Variants in ATG7 observed in about 807,000 individuals in gnomAD.
The protein encoded by ATG7 is ubiquitin-like modifier-activating enzyme ATG7.
ATG7 carries 70 observed loss-of-function variants against 82.4 expected under a neutral mutation model. That is an observed-to-expected ratio of 0.85 (90% CI 0.70 to 1.04). The LOEUF is 1.04. ATG7 is among the 50% of genes least tolerant of loss of function. The pLI is 0.00. For missense variants in ATG7, 792 were observed against 864.3 expected, an observed-to-expected ratio of 0.92 and a Z score of 1.05; for synonymous variants, 287 against 313.0, an observed-to-expected ratio of 0.92 and a Z score of 0.88.
rs539523184 is a variant in ATG7 at position 11,525,846 on chromosome 3, A to G, written c.2080-28965A>G. 5.3e-5 allele frequency among the ~76,000 whole-genome samples: 8 copies of G among 151,924 alleles called. No homozygotes were observed. In the East Asian group the frequency reaches 1.6e-3, roughly 29 times the overall value. The stretch of plus-strand genomic sequence containing the variant: ...TGGGATTACAGGTGTGAGCCACTGC[A>G]CCTCGCCAGTTATAGCCATTTTTAA... On this transcript the variant is annotated intron_variant, in intron 20 of 20. Transcript: ENST00000693202.
chr3:11,360,921 G>C lies in ATG7; in HGVS notation c.1683+137G>C, dbSNP rs954191986. On this transcript the variant is annotated intron_variant, in intron 16 of 20. Coordinates refer to ENST00000693202, the MANE Select transcript of ATG7 (RefSeq NM_001349232.2). The stretch of plus-strand genomic sequence containing the variant: ...GAGAAGAATTCTCCAATTTGGGGAG[G>C]ATGGCATTATCTCATTATGAACCTT... 8 of 1,002,112 alleles carry C rather than the reference G, an allele frequency of 8.0e-6. No individual in the cohort carries two copies. The African/African-American group carries it at 1.3e-4, about 16-fold the overall frequency. 62.1% of individuals were successfully genotyped at this position (1,002,112 alleles called of 1,614,324 possible).
chr3:11,442,795 C>CCT (rs1349202532), intron 20 of ATG7, among the ~76,000 whole-genome samples: 1 of 145,690 alleles, frequency 6.9e-6, no homozygotes, highest in Non-Finnish European at 1.5e-5. Flanking sequence ...GTGGCACATG[C>CCT]CTGTAGTCCC....
intron 1 of ATG7, among the ~76,000 whole-genome samples, chr3:11,280,693 A>G (rs1942891821): frequency 6.6e-6 from 1 of 152,194 alleles, no homozygotes; most frequent in African/African-American, 2.4e-5. Context: ...TGATAAGCAA[A>G]TCTATATCAT....
chr3:11,504,016 G>A (rs1334322303), intron 20 of ATG7, among the ~76,000 whole-genome samples: 1 of 152,110 alleles, frequency 6.6e-6, no homozygotes, highest in African/African-American at 2.4e-5. Flanking sequence ...ATTAAAGGCA[G>A]TTACCCACAA....
At chr3:11,499,760 A>G (rs1472625958) in intron 20 of ATG7, among the ~76,000 whole-genome samples, 4 of 151,798 alleles carry the variant, frequency 2.6e-5, no homozygotes, top group Admixed American at 1.3e-4. Flanking sequence ...AAAAAAAAAA[A>G]AAAGAAACAA....
intron 20 of ATG7, among the ~76,000 whole-genome samples, chr3:11,519,546 T>TTG (rs1678680845): frequency 1.6e-5 from 1 of 61,694 alleles, no homozygotes; most frequent in Non-Finnish European, 3.1e-5. Context: ...GGAGTTTTTT[T>TTG]TTTTTTTTTT....
chr3:11,320,817 A>G (rs998822373), intron 9 of ATG7, among the ~76,000 whole-genome samples: 5 of 152,250 alleles, frequency 3.3e-5, no homozygotes, highest in African/African-American at 1.2e-4. Context: ...CCTGGCACAC[A>G]GTAGGCCTTC....
At chr3:11,297,270 A>T (rs1029991066) in intron 3 of ATG7, among the ~76,000 whole-genome samples, 2 of 152,068 alleles carry the variant, frequency 1.3e-5, no homozygotes, top group African/African-American at 4.8e-5. Context: ...AGGTGGGAGG[A>T]TTGTTTGAGC....
intron 9 of ATG7, among the ~76,000 whole-genome samples, chr3:11,323,763 A>C (rs1453531830): frequency 6.6e-6 from 1 of 152,218 alleles, no homozygotes; most frequent in Non-Finnish European, 1.5e-5. Context: ...CTCTTTCTTC[A>C]CTTAGTGATC....
At chr3:11,278,490 AT>A (rs1462749779) in intron 1 of ATG7, among the ~76,000 whole-genome samples, 4 of 152,174 alleles carry the variant, frequency 2.6e-5, no homozygotes, top group Non-Finnish European at 4.4e-5. Flanking sequence ...ACTCATTTGT[AT>A]TTTCTCAAAC....
chr3:11,509,937 T>G (rs769948156), intron 20 of ATG7, among the ~76,000 whole-genome samples: 24 of 152,312 alleles, frequency 1.6e-4, no homozygotes, highest in Non-Finnish European at 2.8e-4. Context: ...ATGGGTGATA[T>G]AAATAGACTA....
chr3:11,558,181 A>C, downstream of ATG7: 2 of 276,554 alleles, frequency 7.2e-6, no homozygotes, highest in Non-Finnish European at 1.4e-5. Context: ...TCAAGAAGCA[A>C]AGGAAAAAGC....
At chr3:11,376,831 C>T (rs1373303278) in intron 18 of ATG7, among the ~76,000 whole-genome samples, 5 of 152,232 alleles carry the variant, frequency 3.3e-5, no homozygotes, top group South Asian at 2.1e-4. Flanking sequence ...CTCCACCTCC[C>T]GGGTTCACGC....
intron 1 of ATG7, among the ~76,000 whole-genome samples, chr3:11,277,897 C>G (rs1193434523): frequency 1.5e-5 from 2 of 130,402 alleles, no homozygotes; most frequent in Non-Finnish European, 1.6e-5. Context: ...ATAGACCCCC[C>G]CCCCCCCACC....
At chr3:11,462,072 A>G (rs1187376303) in intron 20 of ATG7, among the ~76,000 whole-genome samples, 1 of 151,952 alleles carries the variant, frequency 6.6e-6, no homozygotes, top group Non-Finnish European at 1.5e-5. Flanking sequence ...AATCTAAGGG[A>G]CAACTCCAAA....
At chr3:11,471,343 G>GGCT (rs2087497725) in intron 20 of ATG7, among the ~76,000 whole-genome samples, 1 of 152,084 alleles carries the variant, frequency 6.6e-6, no homozygotes, top group African/African-American at 2.4e-5. Flanking sequence ...TCTTCATAGA[G>GGCT]GCTACTTGGG....
rs558111760 is a variant in ATG7 at position 11,538,999 on chromosome 3, TATTTTCAATGTGAAAAG to T, written c.2080-15811_2080-15795del. On this transcript the variant is annotated intron_variant, in intron 20 of 20. Transcript: ENST00000693202. ...TGGAGAAGGGATCTGAGCTTCTTGC[TATTTTCAATGTGAAAAG>T]CTTTAATCTGGCTGTAATACAAGGT... is the stretch of plus-strand genomic sequence containing the variant. Among the ~76,000 whole-genome samples, 530 of 152,316 alleles carry T rather than the reference TATTTTCAATGTGAAAAG, an allele frequency of 3.5e-3. 2 individuals carry two copies. Among genetic ancestry groups the T allele is most frequent in the African/African-American group, 0.012 (505 of 41,576 alleles).
At chr3:11,549,959 T>G (rs950704087) in intron 20 of ATG7, among the ~76,000 whole-genome samples, 1 of 152,232 alleles carries the variant, frequency 6.6e-6, no homozygotes, top group African/African-American at 2.4e-5. Context: ...GGTTTTGATT[T>G]GCATTTCCCT....
chr3:11,295,162 G>A (rs777252795), intron 3 of ATG7, among the ~76,000 whole-genome samples: 2 of 152,138 alleles, frequency 1.3e-5, no homozygotes, highest in Admixed American at 6.5e-5. Context: ...GTTGGAAAAC[G>A]CTTGGTCAGG....
Sources: gnomAD v4.1 joint callset for allele counts (sites outside exome capture counted in the v4.1 genomes callset) on GRCh38, gnomAD v4.1.1 for gene constraint, MANE v1.5 for transcripts, NCBI Gene and HGNC (gene_info 2026-07-23, HGNC 2026-07-21) for gene names.